Variants in DOCK1 observed in about 807,000 individuals in gnomAD.
DOCK1 encodes dedicator of cytokinesis protein 1.
Under a neutral mutation model 262.7 loss-of-function variants are expected in DOCK1, and 138 were observed. The observed-to-expected ratio is 0.53, with a 90% CI of 0.46 to 0.61. The LOEUF (loss-of-function observed/expected upper bound fraction) is 0.61. Ranked by LOEUF, DOCK1 falls within the 20% of genes least tolerant of loss-of-function variation. DOCK1 has a pLI of 0.00. For missense variants in DOCK1, 1,908 were observed against 2,370.7 expected (o/e 0.80, Z 4.05); for synonymous variants, 866 against 867.4 (o/e 1.00, Z 0.03).
intron 27 of DOCK1, among the ~76,000 whole-genome samples, chr10:127,204,604 T>A (rs924765576): frequency 6.6e-6 from 1 of 151,938 alleles, no homozygotes; most frequent in Non-Finnish European, 1.5e-5. Flanking sequence ...TAAAAAAAAA[T>A]AGAGATGGGC....
At chr10:127,074,854 A>G (rs1462870972) in intron 23 of DOCK1, among the ~76,000 whole-genome samples, 1 of 152,106 alleles carries the variant, frequency 6.6e-6, no homozygotes, top group Admixed American at 6.5e-5. Context: ...TATGATCCCT[A>G]TTGAAGATTA....
chr10:127,018,846 G>A lies in DOCK1; in HGVS notation c.1327+11G>A, dbSNP rs759230147. ...AGATAATCATGCCTGGTAAGAACTGGCTTGTTCAGGGCTTCTCAGCATGGC... is the reference window on the plus strand; with the variant it reads ...AGATAATCATGCCTGGTAAGAACTGACTTGTTCAGGGCTTCTCAGCATGGC... On this transcript the variant is annotated intron_variant, in intron 13 of 51. Coordinates refer to ENST00000623213, the MANE Select transcript of DOCK1 (RefSeq NM_001290223.2). 1.2e-6 allele frequency: 2 copies of A among 1,613,540 alleles called. No homozygotes were observed. The highest frequency in any genetic ancestry group is 1.7e-6 in the Non-Finnish European group (2 of 1,179,622).
intron 23 of DOCK1, among the ~76,000 whole-genome samples, chr10:127,080,849 C>T (rs892587561): frequency 2.6e-5 from 4 of 152,060 alleles, no homozygotes; most frequent in Admixed American, 2.6e-4. Flanking sequence ...AGTTAGCCAC[C>T]CTGCAATTTG....
At chr10:127,402,993 G>T in intron 38 of DOCK1, 62 bp from the exon 39 acceptor site, 2 of 1,438,590 alleles carry the variant, frequency 1.4e-6, no homozygotes, top group Non-Finnish European at 1.9e-6. Context: ...TTGCATTCCT[G>T]TTTGACTCTT....
intron 6 of DOCK1, among the ~76,000 whole-genome samples, chr10:126,996,290 G>C (rs935336546): frequency 4.7e-5 from 7 of 148,314 alleles, no homozygotes; most frequent in African/African-American, 1.7e-4. Context: ...TGAGGCAGGA[G>C]AATTGCTTGA....
intron 27 of DOCK1, among the ~76,000 whole-genome samples, chr10:127,186,259 C>T (rs140321384): frequency 1.2e-3 from 190 of 152,254 alleles, no homozygotes; most frequent in African/African-American, 3.9e-3. Context: ...ACGGACTCTC[C>T]GTTCTGCATT....
At chr10:127,259,236 G>A (rs1203890889) in intron 29 of DOCK1, among the ~76,000 whole-genome samples, 1 of 152,182 alleles carries the variant, frequency 6.6e-6, no homozygotes, top group Non-Finnish European at 1.5e-5. Context: ...CACCTGCTGG[G>A]TGACTTTAAA....
chr10:127,018,876 G>C (rs1317420929), intron 13 of DOCK1, 41 bp downstream of exon 13: 3 of 1,606,806 alleles, frequency 1.9e-6, no homozygotes, highest in East Asian at 2.2e-5. Context: ...CATGGCATGG[G>C]GGTAGCCGGC....
At chr10:126,953,623 T>C (rs1483441322) in intron 1 of DOCK1, among the ~76,000 whole-genome samples, 1 of 152,144 alleles carries the variant, frequency 6.6e-6, no homozygotes, top group African/African-American at 2.4e-5. Flanking sequence ...CTCCCATTTT[T>C]CAGCTGAATG....
At chr10:127,359,612 G>A (rs1327313186) in intron 32 of DOCK1, among the ~76,000 whole-genome samples, 2 of 152,222 alleles carry the variant, frequency 1.3e-5, no homozygotes, top group Non-Finnish European at 2.9e-5. Context: ...GAAACATTAA[G>A]CATTTGGGAA....
At chr10:127,415,275 C>G (rs2068088347) in intron 44 of DOCK1, 37 bp downstream of exon 44, 2 of 1,591,490 alleles carry the variant, frequency 1.3e-6, no homozygotes, top group Admixed American at 1.7e-5. Flanking sequence ...ATTGTCCGTT[C>G]CCTTCCTCAA....
At chr10:127,238,763 G>T (rs576919587) in intron 27 of DOCK1, among the ~76,000 whole-genome samples, 8 of 152,162 alleles carry the variant, frequency 5.3e-5, no homozygotes, top group African/African-American at 1.9e-4. Flanking sequence ...TCCCACTGAG[G>T]TCATTCTGGT....
At chr10:127,410,194 T>A (rs897459448) in intron 42 of DOCK1, among the ~76,000 whole-genome samples, 1 of 152,248 alleles carries the variant, frequency 6.6e-6, no homozygotes, top group African/African-American at 2.4e-5. Flanking sequence ...GGACCCTGTT[T>A]ATTTACAAAT....
chr10:127,201,040 A>G (rs2057430340), intron 27 of DOCK1, among the ~76,000 whole-genome samples: 1 of 152,218 alleles, frequency 6.6e-6, no homozygotes, highest in African/African-American at 2.4e-5. Context: ...CCAGTGCTCA[A>G]CGCCTACGAG....
intron 10 of DOCK1, among the ~76,000 whole-genome samples, chr10:127,004,887 G>A (rs2135218360): frequency 6.6e-6 from 1 of 152,102 alleles, no homozygotes; most frequent in East Asian, 1.9e-4. Context: ...GCCACTCAGT[G>A]ACTGGCAGTT....
intron 12 of DOCK1, chr10:127,014,944 G>T (rs749212593): frequency 6.6e-6 from 1 of 152,272 alleles, no homozygotes; most frequent in African/African-American, 2.4e-5. Context: ...TGAGTAGGGA[G>T]ATGCAGCCAG....
chr10:126,962,066 C>T (rs2037265999), intron 1 of DOCK1, among the ~76,000 whole-genome samples: 3 of 152,040 alleles, frequency 2.0e-5, no homozygotes, highest in African/African-American at 4.8e-5. Context: ...GGTGCGCTCT[C>T]GGCTCACTGC....
At chr10:127,346,859 G>T (rs956092287) in intron 31 of DOCK1, among the ~76,000 whole-genome samples, 7 of 152,296 alleles carry the variant, frequency 4.6e-5, no homozygotes, top group African/African-American at 1.7e-4. Context: ...AGTTGTCTTT[G>T]CAAGACACTG....
intron 40 of DOCK1, among the ~76,000 whole-genome samples, chr10:127,404,861 C>T (rs2067428102): frequency 6.6e-6 from 1 of 152,166 alleles, no homozygotes; most frequent in Non-Finnish European, 1.5e-5. Context: ...ATTCTCCCTC[C>T]TGCCAGCCCC....
Sources: allele counts gnomAD v4.1 joint callset (sites outside exome capture counted in the v4.1 genomes callset), GRCh38; gene constraint gnomAD v4.1.1; transcripts MANE v1.5; gene names NCBI Gene and HGNC (gene_info 2026-07-23, HGNC 2026-07-21).